Variants in DLG2 observed in about 807,000 individuals in gnomAD.
DLG2 encodes disks large homolog 2.
Under a neutral mutation model 132.5 loss-of-function variants are expected in DLG2, and 45 were observed. The ratio of observed to expected loss-of-function variants is 0.34; its 90% CI spans 0.27 to 0.44. The LOEUF is 0.44. DLG2 is among the 20% of genes least tolerant of loss of function. The pLI is 1.00. For synonymous variants in DLG2, 424 were observed against 419.6 expected, an observed-to-expected ratio of 1.01 and a Z score of -0.13; for missense variants, 1,045 against 1,196.9, an observed-to-expected ratio of 0.87 and a Z score of 1.87.
intron 3 of DLG2, among the ~76,000 whole-genome samples, chr11:85,476,314 G>A (rs56375719): frequency 6.6e-6 from 1 of 151,238 alleles, no homozygotes; most frequent in South Asian, 2.1e-4. Flanking sequence ...AAGTCTGGAA[G>A]TTGCTCTGGG....
At chr11:83,682,068 A>C in intron 18 of DLG2, 4 of 913,750 alleles carry the variant, frequency 4.4e-6, no homozygotes, top group Non-Finnish European at 5.2e-6. Context: ...ACTGACACAC[A>C]CTTCTGACAG....
intron 7 of DLG2, among the ~76,000 whole-genome samples, chr11:84,438,446 G>A (rs945196755): frequency 7.3e-5 from 11 of 151,546 alleles, no homozygotes; most frequent in African/African-American, 2.2e-4. Context: ...AAACTAAAAA[G>A]AGCAAACTAC....
rs77599510 is a variant in DLG2 at position 84,331,726 on chromosome 11, G to A, written c.520-80435C>T. 1.0e-3 allele frequency among the ~76,000 whole-genome samples: 158 copies of A among 152,092 alleles called. 1 individual carries two copies. The East Asian group carries it at 0.016, about 15-fold the overall frequency. The stretch of plus-strand genomic sequence containing the variant: ...GGAGTTTTTCACCATCTGATAGTGA[G>A]TATTCATTTAGGCCTGCTGGGCTAA... On this transcript the variant is annotated intron_variant, in intron 7 of 27. Coordinates refer to ENST00000376104, the MANE Select transcript of DLG2 (RefSeq NM_001142699.3).
chr11:83,719,715 T>A (rs1332283454), intron 18 of DLG2, among the ~76,000 whole-genome samples: 1 of 152,082 alleles, frequency 6.6e-6, no homozygotes, highest in Non-Finnish European at 1.5e-5. Context: ...AGGCCCTACC[T>A]CTAACAGTGG....
chr11:84,328,168 G>A (rs1348056029), intron 7 of DLG2, among the ~76,000 whole-genome samples: 2 of 152,050 alleles, frequency 1.3e-5, no homozygotes, highest in African/African-American at 4.8e-5. Context: ...TTTTATGAGG[G>A]AGAAAATGTA....
intron 18 of DLG2, among the ~76,000 whole-genome samples, chr11:83,659,831 G>A (rs749988409): frequency 1.7e-4 from 26 of 152,154 alleles, no homozygotes; most frequent in Non-Finnish European, 3.7e-4. Context: ...GTACTAAATT[G>A]TATTGTTATG....
At chr11:83,655,882 A>G (rs985308306) in intron 18 of DLG2, among the ~76,000 whole-genome samples, 1 of 152,178 alleles carries the variant, frequency 6.6e-6, no homozygotes, top group African/African-American at 2.4e-5. Context: ...TTACTGTTTC[A>G]GCTGTAAGCT....
chr11:85,349,585 C>T (rs1244237306), intron 3 of DLG2, among the ~76,000 whole-genome samples: 1 of 152,112 alleles, frequency 6.6e-6, no homozygotes, highest in African/African-American at 2.4e-5. Context: ...CAACAGGCCC[C>T]AGTGTGTGAT....
At chr11:83,685,941 A>G (rs1365942190) in intron 18 of DLG2, among the ~76,000 whole-genome samples, 3 of 151,884 alleles carry the variant, frequency 2.0e-5, no homozygotes, top group Non-Finnish European at 2.9e-5. Flanking sequence ...TCTCCTTTTT[A>G]TCTTACACCC....
intron 7 of DLG2, among the ~76,000 whole-genome samples, chr11:84,337,792 C>A (rs910905416): frequency 1.3e-5 from 2 of 152,086 alleles, no homozygotes; most frequent in African/African-American, 4.8e-5. Context: ...TAGGCAGAAT[C>A]CACAACAGAA....
chr11:83,485,999 T>G (rs2093476889), intron 21 of DLG2, among the ~76,000 whole-genome samples: 1 of 152,118 alleles, frequency 6.6e-6, no homozygotes, highest in East Asian at 1.9e-4. Context: ...TACTTTACAT[T>G]CAAGTACTAA....
At position 83,871,219 on chromosome 11, in the gene DLG2, C is replaced by G. The variant is rs562197739; in HGVS notation, c.1565+3201G>C. On this transcript the variant is annotated intron_variant, in intron 16 of 27. Coordinates refer to ENST00000376104, the MANE Select transcript of DLG2 (RefSeq NM_001142699.3). ...TGTGTCTGTCAACTTGAAACTGAAA[C>G]CAGAACTTATTCTGCTAATAGGGAT... 2.4e-3 allele frequency among the ~76,000 whole-genome samples: 361 copies of G among 152,256 alleles called. 2 individuals are homozygous for G. Among genetic ancestry groups the G allele is most frequent in the Non-Finnish European group, 4.4e-3 (296 of 68,014 alleles).
chr11:85,350,761 G>A (rs933631367), intron 3 of DLG2, among the ~76,000 whole-genome samples: 2 of 152,124 alleles, frequency 1.3e-5, no homozygotes, highest in East Asian at 1.9e-4. Flanking sequence ...CTGTTCCATT[G>A]GTCTATGTCT....
chr11:84,003,815 CTA>C (rs1284443244), intron 11 of DLG2, among the ~76,000 whole-genome samples: 1 of 151,994 alleles, frequency 6.6e-6, no homozygotes, highest in Non-Finnish European at 1.5e-5. Context: ...TTAGGAACAA[CTA>C]TGTGATAAAA....
Position 83,534,321 on chromosome 11 carries a change from C to G in DLG2, c.2118-1538G>C, listed in dbSNP as rs559876365. On this transcript the variant is annotated intron_variant, in intron 20 of 27. Coordinates refer to ENST00000376104, the MANE Select transcript of DLG2 (RefSeq NM_001142699.3). ...ATAATTGTCCAGCAAAAATAATATT[C>G]ATTGCATTGTTTTAACATGACTTCT... Among the ~76,000 whole-genome samples, 19 of 152,262 alleles carry G rather than the reference C, an allele frequency of 1.2e-4. No individual in the cohort carries two copies. In the East Asian group the frequency reaches 3.7e-3, roughly 29 times the overall value.
chr11:85,064,973 G>A (rs571418298), intron 6 of DLG2, among the ~76,000 whole-genome samples: 8 of 151,376 alleles, frequency 5.3e-5, no homozygotes, highest in South Asian at 2.1e-4. Flanking sequence ...ATAAAGTACC[G>A]ATATAGGTAC....
chr11:84,871,440 T>C (rs2085442761), intron 6 of DLG2, among the ~76,000 whole-genome samples: 1 of 152,170 alleles, frequency 6.6e-6, no homozygotes, highest in Admixed American at 6.5e-5. Flanking sequence ...TCTGGAAGTT[T>C]GGGGACCACT....
At chr11:85,472,577 C>A (rs1458616138) in intron 3 of DLG2, among the ~76,000 whole-genome samples, 1 of 152,170 alleles carries the variant, frequency 6.6e-6, no homozygotes, top group Non-Finnish European at 1.5e-5. Flanking sequence ...GGATTCCAGG[C>A]GTGAGCCACC....
At chr11:84,561,760 A>C (rs1257937832) in intron 6 of DLG2, among the ~76,000 whole-genome samples, 1 of 152,206 alleles carries the variant, frequency 6.6e-6, no homozygotes, top group African/African-American at 2.4e-5. Flanking sequence ...AAATATTTGA[A>C]AGGCAAATTG....
Sources: gnomAD v4.1 joint callset for allele counts (sites outside exome capture counted in the v4.1 genomes callset) on GRCh38, gnomAD v4.1.1 for gene constraint, MANE v1.5 for transcripts, NCBI Gene and HGNC (gene_info 2026-07-23, HGNC 2026-07-21) for gene names.